MAP2K4: variants seen among roughly 807,000 people sequenced by gnomAD.
The protein encoded by MAP2K4 is mitogen-activated protein kinase kinase 4, also known as dual specificity mitogen-activated protein kinase kinase 4.
Under a neutral mutation model 48.5 loss-of-function variants are expected in MAP2K4, and 4 were observed. The ratio of observed to expected loss-of-function variants is 0.08; its 90% confidence interval spans 0.04 to 0.19. The LOEUF (loss-of-function observed/expected upper bound fraction) is 0.19. Ranked by LOEUF, MAP2K4 falls within the 10% of genes least tolerant of loss-of-function variation. The pLI, the probability that MAP2K4 is intolerant of heterozygous loss-of-function variation, is 1.00. For synonymous variants in MAP2K4, 166 were observed against 173.1 expected, an observed-to-expected ratio of 0.96 and a Z score of 0.32; for missense variants, 258 against 493.3, an observed-to-expected ratio of 0.52 and a Z score of 4.52.
intron 1 of MAP2K4, chr17:12,036,560 A>G (rs1969606090): frequency 6.6e-6 from 1 of 152,230 alleles, no homozygotes; most frequent in African/African-American, 2.4e-5. Flanking sequence ...TCATTCTTCC[A>G]AAACCTCCTG....
rs560239451 is a variant in MAP2K4, at chr17:12,104,385, G to A, written c.514-3405G>A. Among the ~76,000 whole-genome samples the A allele has an allele frequency of 3.1e-4, 47 of 152,188 alleles. 1 individual carries two copies. Among genetic ancestry groups the A allele is most frequent in the African/African-American group, 1.1e-3 (46 of 41,508 alleles). On this transcript the variant is annotated intron_variant, in intron 4 of 10. Transcript: ENST00000353533. ...ACATACATTGTACAGAGGAAAGGGG[G>A]AATGGTTATTTAGTATGCCATCAGC...
At chr17:12,101,369 C>G (rs1971930373) in intron 4 of MAP2K4, among the ~76,000 whole-genome samples, 1 of 151,832 alleles carries the variant, frequency 6.6e-6, no homozygotes, top group South Asian at 2.1e-4. Context: ...GTTTTTCTGT[C>G]TTTGCACTGA....
chr17:12,133,598 C>T (rs1973107704), intron 9 of MAP2K4, among the ~76,000 whole-genome samples: 1 of 152,076 alleles, frequency 6.6e-6, no homozygotes, highest in African/African-American at 2.4e-5. Flanking sequence ...ATTGAAATCA[C>T]CATTGGAATT....
chr17:12,141,384 C>T lies in MAP2K4; in HGVS notation c.*124C>T, dbSNP rs755582365. 18 of 722,264 alleles carry T rather than the reference C, an allele frequency of 2.5e-5. No homozygotes were observed. Among genetic ancestry groups the T allele is most frequent in the Non-Finnish European group, 3.0e-5 (12 of 404,722 alleles). The allele number at this position is 722,264 out of a possible 1,614,324, so 44.7% of individuals were successfully genotyped here. A position where few individuals can be genotyped will look rare whatever the true frequency, so the allele number is the denominator to read the frequency against. ...CACCATGTGCAATAAGATTGGTGTT[C>T]GTTTCCATCATGTCTGTATACTCCT... is the stretch of plus-strand genomic sequence containing the variant. On this transcript the variant is annotated 3_prime_UTR_variant, in exon 11 of 11. Coordinates refer to ENST00000353533, the MANE Select transcript of MAP2K4 (RefSeq NM_003010.4).
rs28990369 is a variant in MAP2K4, at chr17:12,138,353, C to T, written c.1041-1486C>T. 8.9e-3 allele frequency among the ~76,000 whole-genome samples: 1,356 copies of T among 152,082 alleles called. 6 individuals carry two copies. The highest frequency in any genetic ancestry group is 0.016 in the Non-Finnish European group (1,060 of 68,006). On this transcript the variant is annotated intron_variant, in intron 9 of 10. Transcript: ENST00000353533. The stretch of plus-strand genomic sequence containing the variant: ...GAAGCCTTACTGATAACATAGTTAA[C>T]ATATATTTTGTATATGTATTATATA...
At position 12,021,001 on chromosome 17, in the gene MAP2K4, G is replaced by A; in HGVS notation, c.115G>A (p.Gly39Ser). ...PGHPAVSSMQGKRKALKLNFA... is the reference protein window; with the variant it reads ...PGHPAVSSMQSKRKALKLNFA... Reference sequence around the variant, plus strand: ...CCACCCGGCCGTCAGCAGCATGCAGGGTAAGGAACGCGGCCGCGCCGAGAT... The same window carrying A: ...CCACCCGGCCGTCAGCAGCATGCAGAGTAAGGAACGCGGCCGCGCCGAGAT... The change falls in exon 1 of 11, where the codon GGT becomes AGT. Residue 39 changes from glycine to serine, a missense_variant and splice_region_variant. Around this residue, in one of 3 missense-constraint regions of MAP2K4, gnomAD observed 69 missense variants for 56.2 expected, o/e 1.23. Transcript: ENST00000353533. The A allele has an allele frequency of 1.7e-6, 2 of 1,209,070 alleles. No homozygotes were observed. The highest frequency in any genetic ancestry group is 2.1e-6 in the Non-Finnish European group (2 of 972,684). The allele number at this position is 1,209,070 out of a possible 1,614,324, so 74.9% of individuals were successfully genotyped here. A position where few individuals can be genotyped will look rare whatever the true frequency, so the allele number is the denominator to read the frequency against.
intron 8 of MAP2K4, among the ~76,000 whole-genome samples, chr17:12,125,853 A>C (rs1327684886): frequency 6.6e-6 from 1 of 152,244 alleles, no homozygotes; most frequent in Non-Finnish European, 1.5e-5. Context: ...ATCACAAGTG[A>C]ATGAGCTGAA....
intron 1 of MAP2K4, chr17:12,026,911 T>C (rs1190537288): frequency 6.6e-6 from 1 of 152,222 alleles, no homozygotes; most frequent in East Asian, 1.9e-4. Flanking sequence ...GACATTTCGA[T>C]TGGGAATCTC....
At chr17:12,104,705 T>C (rs1240896014) in intron 4 of MAP2K4, among the ~76,000 whole-genome samples, 2 of 152,138 alleles carry the variant, frequency 1.3e-5, no homozygotes, top group African/African-American at 4.8e-5. Flanking sequence ...TTTTAAACTT[T>C]TGGTATGTTG....
rs1305270834 is a variant in MAP2K4, at chr17:12,142,318, T to G, written c.*1058T>G. The G allele has an allele frequency of 4.3e-6, 1 of 233,374 alleles. No individual in the cohort carries two copies. Among genetic ancestry groups the G allele is most frequent in the Non-Finnish European group, 8.5e-6 (1 of 117,988 alleles). The allele number at this position is 233,374 out of a possible 1,614,324, so 14.5% of individuals were successfully genotyped here. A position where few individuals can be genotyped will look rare whatever the true frequency, so the allele number is the denominator to read the frequency against. Reference sequence around the variant, plus strand: ...AGGCAGCAAAAGACCAAATCTCAGTTGTTTGCTTCTTGCCATCACTGGTCC... The same window carrying G: ...AGGCAGCAAAAGACCAAATCTCAGTGGTTTGCTTCTTGCCATCACTGGTCC... On this transcript the variant is annotated 3_prime_UTR_variant, in exon 11 of 11. Coordinates refer to ENST00000353533, the MANE Select transcript of MAP2K4 (RefSeq NM_003010.4).
At chr17:12,139,602 A>AT (rs1973311916) in intron 9 of MAP2K4, among the ~76,000 whole-genome samples, 1 of 152,208 alleles carries the variant, frequency 6.6e-6, no homozygotes, top group East Asian at 1.9e-4. Context: ...AAGAATTAAT[A>AT]TTTTTTCTAA....
intron 7 of MAP2K4, among the ~76,000 whole-genome samples, chr17:12,119,649 C>T (rs114697941): frequency 5.3e-5 from 8 of 152,232 alleles, no homozygotes; most frequent in African/African-American, 1.9e-4. Flanking sequence ...TGGGTATATA[C>T]CAAAAGGAAT....
At chr17:12,113,107 A>G (rs1290687562) in intron 6 of MAP2K4, 126 bp from the exon 7 acceptor site, 1 of 662,020 alleles carries the variant, frequency 1.5e-6, no homozygotes. Flanking sequence ...TACTTCTTAT[A>G]TATCTGAATT....
rs1188492312 is a variant in MAP2K4, at chr17:12,141,648, A to G, written c.*388A>G. On this transcript the variant is annotated 3_prime_UTR_variant, in exon 11 of 11. Transcript: ENST00000353533. ...TTCCAAATCCTGGAAGGACACAGTG[A>G]TGAATGTACTATGTCTGAACATAGA... 3.5e-6 allele frequency: 1 copy of G among 289,124 alleles called. No homozygotes were observed. The highest frequency in any genetic ancestry group is 5.2e-5 in the East Asian group (1 of 19,406). The allele number at this position is 289,124 out of a possible 1,614,324, so 17.9% of individuals were successfully genotyped here.
At chr17:12,032,247 C>A in intron 1 of MAP2K4, 1 of 1,392,450 alleles carries the variant, frequency 7.2e-7, no homozygotes, top group Non-Finnish European at 9.5e-7. Flanking sequence ...TGAACTGGAA[C>A]TTATCTTTTT....
At chr17:12,105,265 G>A (rs1463591139) in intron 4 of MAP2K4, among the ~76,000 whole-genome samples, 3 of 152,068 alleles carry the variant, frequency 2.0e-5, no homozygotes, top group Non-Finnish European at 4.4e-5. Flanking sequence ...AATTTGACGT[G>A]CTTCTCATCT....
In MAP2K4 at chr17:12,053,877, T is replaced by G. The variant is rs565819012; in HGVS notation, c.116-1012T>G. 4.5e-4 allele frequency among the ~76,000 whole-genome samples: 68 copies of G among 152,228 alleles called. 2 individuals are homozygous for G. In the South Asian group the frequency reaches 0.013, roughly 28 times the overall value. On this transcript the variant is annotated intron_variant, in intron 1 of 10. Coordinates refer to ENST00000353533, the MANE Select transcript of MAP2K4 (RefSeq NM_003010.4). ...ATCCTCATCCACTGAGGTCAGAAAG[T>G]GTTTGGATTGCAGAGATATTTTTTG...
At chr17:12,026,669 C>T (rs1969263265) in intron 1 of MAP2K4, among the ~76,000 whole-genome samples, 1 of 152,156 alleles carries the variant, frequency 6.6e-6, no homozygotes, top group Non-Finnish European at 1.5e-5. Context: ...CTCTGAGCCT[C>T]TTTAAGTCAT....
chr17:12,125,285 A>G lies in MAP2K4; in HGVS notation c.814-9A>G. ...CAATTAATAACTTACACTTGTCTTT[A>G]TGTTCCAGCCTGAAAGAATAGACCC... On this transcript the variant is annotated splice_polypyrimidine_tract_variant and intron_variant, in intron 7 of 10. Transcript: ENST00000353533. 1 of 1,610,944 alleles carries G rather than the reference A, an allele frequency of 6.2e-7. No homozygotes were observed. Among genetic ancestry groups the G allele is most frequent in the Non-Finnish European group, 8.5e-7 (1 of 1,177,188 alleles).
Sources: gnomAD v4.1 joint callset for allele counts (sites outside exome capture counted in the v4.1 genomes callset) on GRCh38, gnomAD v4.1.1 for gene constraint, gnomAD v4.1.1 regional missense constraint, MANE v1.5 for transcripts, NCBI Gene and HGNC (gene_info 2026-07-23, HGNC 2026-07-21) for gene names.